The following KAZN variants were observed in gnomAD, a reference collection of about 807,000 sequenced individuals.
KAZN encodes kazrin, periplakin interacting protein, also known as kazrin.
In KAZN, 40 loss-of-function variants were observed where a neutral mutation model predicts 87.4. That is an observed-to-expected ratio of 0.46 (90% CI 0.36 to 0.60). The LOEUF is 0.60. KAZN is among the 20% of genes least tolerant of loss of function. KAZN has a pLI of 0.00. For synonymous variants in KAZN, 466 were observed against 458.3 expected, an observed-to-expected ratio of 1.02 and a Z score of -0.22; for missense variants, 898 against 1,073.9, an observed-to-expected ratio of 0.84 and a Z score of 2.29.
chr1:15,080,803 G>GC (rs912087272), intron 8 of KAZN, among the ~76,000 whole-genome samples: 2 of 152,202 alleles, frequency 1.3e-5, no homozygotes, highest in Non-Finnish European at 2.9e-5. Context: ...GAGAACAGAG[G>GC]CCCCGGGGTA....
At chr1:15,025,454 C>T (rs1346682500) in intron 2 of KAZN, among the ~76,000 whole-genome samples, 1 of 152,236 alleles carries the variant, frequency 6.6e-6, no homozygotes, top group Non-Finnish European at 1.5e-5. Flanking sequence ...TGATCAGGCA[C>T]TACTGGCATC....
At chr1:14,217,596 G>T (rs1349375752) in intron 2 of KAZN, among the ~76,000 whole-genome samples, 1 of 151,806 alleles carries the variant, frequency 6.6e-6, no homozygotes, top group African/African-American at 2.4e-5. Context: ...TATAATAAGG[G>T]CTCCAAAGAA....
intron 1 of KAZN, among the ~76,000 whole-genome samples, chr1:14,671,027 C>G (rs1639885642): frequency 6.6e-6 from 1 of 152,272 alleles, no homozygotes; most frequent in African/African-American, 2.4e-5. Context: ...GATTCAATCC[C>G]AGAATTGGAA....
At chr1:14,546,340 T>A (rs1025965473) in intron 2 of KAZN, among the ~76,000 whole-genome samples, 2 of 152,342 alleles carry the variant, frequency 1.3e-5, no homozygotes, top group African/African-American at 4.8e-5. Context: ...CAAATTTCTC[T>A]CTTTTTCTTC....
At chr1:14,378,603 G>A (rs572954833) in intron 2 of KAZN, among the ~76,000 whole-genome samples, 89 of 152,258 alleles carry the variant, frequency 5.8e-4, no homozygotes, top group African/African-American at 2.1e-3. Flanking sequence ...GCAATTATGA[G>A]ACATTGCATT....
At chr1:14,315,821 T>C (rs915399099) in intron 2 of KAZN, among the ~76,000 whole-genome samples, 1 of 152,104 alleles carries the variant, frequency 6.6e-6, no homozygotes, top group Admixed American at 6.6e-5. Flanking sequence ...TTAGGGTTGT[T>C]TCCAATTTAT....
At chr1:14,914,961 C>G (rs1392305627) in intron 1 of KAZN, among the ~76,000 whole-genome samples, 1 of 152,128 alleles carries the variant, frequency 6.6e-6, no homozygotes, top group Non-Finnish European at 1.5e-5. Flanking sequence ...GAGGCTGAGG[C>G]GGGCGGATCA....
intron 2 of KAZN, among the ~76,000 whole-genome samples, chr1:14,560,082 A>G (rs148987726): frequency 1.6e-4 from 25 of 152,282 alleles, no homozygotes; most frequent in African/African-American, 5.8e-4. Flanking sequence ...TCTTTAATGA[A>G]GGTAAAGACA....
intron 2 of KAZN, among the ~76,000 whole-genome samples, chr1:14,505,424 G>A (rs945394009): frequency 3.3e-5 from 5 of 152,242 alleles, no homozygotes; most frequent in East Asian, 1.9e-4. Flanking sequence ...ACAATTGTGT[G>A]GCAATAATTG....
chr1:14,727,700 A>G (rs1323035050), intron 1 of KAZN, among the ~76,000 whole-genome samples: 1 of 151,050 alleles, frequency 6.6e-6, no homozygotes, highest in Non-Finnish European at 1.5e-5. Context: ...TCCCGACCTG[A>G]GGTAATCCGC....
intron 2 of KAZN, among the ~76,000 whole-genome samples, chr1:14,300,004 G>T (rs905703753): frequency 2.6e-5 from 4 of 152,066 alleles, no homozygotes; most frequent in African/African-American, 9.7e-5. Context: ...GTAGGAGGGG[G>T]AATATTGGAG....
chr1:15,033,982 G>A (rs1480061216), intron 2 of KAZN, among the ~76,000 whole-genome samples: 3 of 151,962 alleles, frequency 2.0e-5, no homozygotes, highest in African/African-American at 2.4e-5. Flanking sequence ...TCAAGTGATC[G>A]GCCTGCCTCA....
chr1:14,465,845 A>G (rs1668095632), intron 2 of KAZN, among the ~76,000 whole-genome samples: 2 of 152,232 alleles, frequency 1.3e-5, no homozygotes, highest in Non-Finnish European at 1.5e-5. Flanking sequence ...TATGCACCAT[A>G]TAATGACATT....
intron 1 of KAZN, among the ~76,000 whole-genome samples, chr1:14,865,240 A>C (rs967088276): frequency 6.6e-6 from 1 of 152,188 alleles, no homozygotes; most frequent in South Asian, 2.1e-4. Context: ...TTTTCCAGAG[A>C]AATGTAGCTG....
At chr1:14,390,225 G>A (rs1168043436) in intron 2 of KAZN, among the ~76,000 whole-genome samples, 4 of 152,180 alleles carry the variant, frequency 2.6e-5, no homozygotes, top group Admixed American at 2.0e-4. Flanking sequence ...TAGCTCTGGA[G>A]ATGAAGCAGT....
At chr1:13,904,858 T>C (rs963800954) in intron 1 of KAZN, among the ~76,000 whole-genome samples, 2 of 152,232 alleles carry the variant, frequency 1.3e-5, no homozygotes, top group East Asian at 3.8e-4. Flanking sequence ...TGATTCCCAT[T>C]CTTTCTATCC....
chr1:14,426,548 C>T (rs1665736612), intron 2 of KAZN, among the ~76,000 whole-genome samples: 1 of 152,052 alleles, frequency 6.6e-6, no homozygotes, highest in Non-Finnish European at 1.5e-5. Context: ...GCTGGCCCAA[C>T]TGCAGTTGCC....
chr1:14,403,245 T>A lies in KAZN; in HGVS notation c.250-195738T>A, dbSNP rs149665850. Reference sequence around the variant, plus strand: ...ATTAGCTTTGTATGTAAGAAAAAAATGAAAGTACATCCTTACTTCACACCA... The same window carrying A: ...ATTAGCTTTGTATGTAAGAAAAAAAAGAAAGTACATCCTTACTTCACACCA... On this transcript the variant is annotated intron_variant, in intron 2 of 16. Transcript: ENST00000636203. Among the ~76,000 whole-genome samples the A allele has an allele frequency of 2.8e-3, 425 of 152,178 alleles. 4 individuals carry two copies. The highest frequency in any genetic ancestry group is 9.9e-3 in the African/African-American group (410 of 41,518).
chr1:14,318,843 T>C (rs1409808400), intron 2 of KAZN, among the ~76,000 whole-genome samples: 4 of 151,518 alleles, frequency 2.6e-5, no homozygotes, highest in Non-Finnish European at 2.9e-5. Flanking sequence ...GTTTCAGATG[T>C]TATACGTCTA....
Sources: gnomAD v4.1 joint callset for allele counts (sites outside exome capture counted in the v4.1 genomes callset) on GRCh38, gnomAD v4.1.1 for gene constraint, MANE v1.5 for transcripts, NCBI Gene and HGNC (gene_info 2026-07-23, HGNC 2026-07-21) for gene names.